The following AMDHD1 variants were observed in gnomAD, a reference collection of about 807,000 sequenced individuals.
The protein encoded by AMDHD1 is amidohydrolase domain containing 1, also known as probable imidazolonepropionase.
A neutral mutation model predicts 44.1 loss-of-function variants in AMDHD1; 45 were observed. The ratio of observed to expected loss-of-function variants is 1.02; its 90% CI spans 0.80 to 1.31. The LOEUF is 1.31. Ranked by LOEUF, AMDHD1 falls within the 50% of genes most tolerant of loss-of-function variation. The pLI, the probability that AMDHD1 is intolerant of heterozygous loss-of-function variation, is 0.00. For missense variants in AMDHD1, 586 were observed against 552.1 expected (o/e 1.06, Z -0.61); for synonymous variants, 206 against 205.0 (o/e 1.00, Z -0.04).
intron 1 of AMDHD1, among the ~76,000 whole-genome samples, chr12:95,948,305 G>GT: frequency 9.8e-6 from 1 of 101,538 alleles, no homozygotes; most frequent in African/African-American, 4.1e-5. Context: ...CGTCCGGGAG[G>GT]GAGGTGGGGG....
rs527424065 is a variant in AMDHD1 at position 95,956,818 on chromosome 12, C to G, written c.443C>G (p.Ala148Gly). 7 of 1,614,236 alleles carry G rather than the reference C, an allele frequency of 4.3e-6. 1 individual carries two copies. The South Asian group carries it at 7.7e-5, about 18-fold the overall frequency. ...LQQRLQCMMR[A>G]GTTLVECKSG... ...CAACGGCTCCAGTGCATGATGAGGG[C>G]TGGCACCACGCTGGTGGAGTGCAAG... The change falls in exon 4 of 9, where the codon GCT becomes GGT. Residue 148 changes from alanine to glycine, a missense_variant. By Grantham distance (60) the Ala-to-Gly change is moderately conservative. Transcript: ENST00000266736.
intron 1 of AMDHD1, among the ~76,000 whole-genome samples, chr12:95,949,140 T>TAAAAAAAAAAAAAAAAAAAAA (rs1170844527): frequency 4.3e-3 from 19 of 4,444 alleles, no homozygotes; most frequent in South Asian, 0.022. Context: ...AAAAATAAAT[T>TAAAAAAAAAAAAAAAAAAAAA]AAAAAAAAAA....
chr12:95,962,197 C>T (rs971745478), intron 5 of AMDHD1, among the ~76,000 whole-genome samples, 158 bp from the exon 6 acceptor site: 10 of 152,148 alleles, frequency 6.6e-5, no homozygotes, highest in South Asian at 2.1e-4. Flanking sequence ...ACCCAGGAGG[C>T]GGAGGTTGCA....
chr12:95,960,286 C>A, intron 4 of AMDHD1, 112 bp from the exon 5 acceptor site: 1 of 866,608 alleles, frequency 1.2e-6, no homozygotes, highest in Non-Finnish European at 1.8e-6. Flanking sequence ...CTTTCTGAGG[C>A]TTGAAGTCAT....
chr12:95,953,474 C>T (rs2080534003), intron 2 of AMDHD1, among the ~76,000 whole-genome samples: 1 of 152,070 alleles, frequency 6.6e-6, no homozygotes, highest in African/African-American at 2.4e-5. Context: ...CACAAACTTT[C>T]AGTTCTACAC....
intron 5 of AMDHD1, 72 bp downstream of exon 5, chr12:95,960,695 A>G: frequency 6.9e-7 from 1 of 1,441,820 alleles, no homozygotes; most frequent in Non-Finnish European, 9.6e-7. Context: ...AAACTTAATT[A>G]GTTTCTTCAA....
intron 4 of AMDHD1, among the ~76,000 whole-genome samples, chr12:95,958,703 C>G: frequency 6.6e-6 from 1 of 152,154 alleles, no homozygotes; most frequent in Non-Finnish European, 1.5e-5. Flanking sequence ...ATGAATTACT[C>G]ATCTGTGAAA....
chr12:95,943,610 G>C, intron 1 of AMDHD1, 75 bp downstream of exon 1: 1 of 1,370,300 alleles, frequency 7.3e-7, no homozygotes, highest in Non-Finnish European at 9.4e-7. Context: ...GTGCACTCTG[G>C]AGGGAAACAA....
rs2080551529 is a variant in AMDHD1, at chr12:95,956,677, G to A, written c.310-8G>A. 1.2e-6 allele frequency: 2 copies of A among 1,613,096 alleles called. No individual in the cohort carries two copies. Among genetic ancestry groups the A allele is most frequent in the East Asian group, 2.2e-5 (1 of 44,860 alleles). The stretch of plus-strand genomic sequence containing the variant: ...ATGTGCTGGCCTAAAGGTGAGGCGT[G>A]TGTTCAGTTGGCAGGAGCCACCTAC... On this transcript the variant is annotated splice_polypyrimidine_tract_variant and splice_region_variant and intron_variant, in intron 3 of 8. Coordinates refer to ENST00000266736, the MANE Select transcript of AMDHD1 (RefSeq NM_152435.3).
At chr12:95,952,663 G>C in intron 1 of AMDHD1, 54 bp from the exon 2 acceptor site, 1 of 1,162,252 alleles carries the variant, frequency 8.6e-7, no homozygotes, top group Middle Eastern at 2.3e-4. Flanking sequence ...TCACTCATCA[G>C]ATTTCTCACA....
At chr12:95,948,017 G>A (rs2080506982) in intron 1 of AMDHD1, among the ~76,000 whole-genome samples, 2 of 117,458 alleles carry the variant, frequency 1.7e-5, no homozygotes, top group African/African-American at 3.4e-5. Flanking sequence ...CCGGCCAGCC[G>A]CCCTGTCCGG....
chr12:95,948,652 G>C (rs1392071343), intron 1 of AMDHD1, among the ~76,000 whole-genome samples: 2 of 77,956 alleles, frequency 2.6e-5, no homozygotes, highest in African/African-American at 6.0e-5. Context: ...CATTGAGAAC[G>C]GGCCAGGATG....
rs966614204 is a variant in AMDHD1, at chr12:95,967,991, G to A, written c.*148G>A. The A allele has an allele frequency of 9.0e-6, 5 of 558,524 alleles. No homozygotes were observed. Among genetic ancestry groups the A allele is most frequent in the African/African-American group, 7.9e-5 (4 of 50,538 alleles). The allele number at this position is 558,524 out of a possible 1,614,324, so 34.6% of individuals were successfully genotyped here. ...TTTTTAAGTCACTCAAAAAACCCAA[G>A]GGATAGATTTATTTTCATTTAACAC... On this transcript the variant is annotated 3_prime_UTR_variant, in exon 9 of 9. Transcript: ENST00000266736.
chr12:95,960,493 A>G lies in AMDHD1; in HGVS notation c.683A>G (p.Asn228Ser). The G allele has an allele frequency of 6.2e-7, 1 of 1,614,262 alleles. No individual in the cohort carries two copies. Among genetic ancestry groups the G allele is most frequent in the Non-Finnish European group, 8.5e-7 (1 of 1,180,044 alleles). ...LGRNGEIHVD[N>S]IDVFCEKGVF... is the part of the protein sequence containing the mutation. ...AGAAATGGGGAAATACACGTGGACA[A>G]TATAGACGTATTTTGTGAGAAAGGT... The change falls in exon 5 of 9, where the codon AAT becomes AGT. Residue 228 changes from asparagine (N) to serine (S), a missense_variant. Asn to Ser is a conservative substitution (Grantham distance 46). Transcript: ENST00000266736.
At chr12:95,965,906 A>G in intron 7 of AMDHD1, 127 bp downstream of exon 7, 1 of 656,938 alleles carries the variant, frequency 1.5e-6, no homozygotes. Context: ...GAAACAAGAA[A>G]AAAAGGGGTA....
chr12:95,958,013 A>G (rs1235509598), intron 4 of AMDHD1, among the ~76,000 whole-genome samples: 4 of 152,320 alleles, frequency 2.6e-5, no homozygotes, highest in African/African-American at 9.6e-5. Flanking sequence ...AGATTGTGCC[A>G]CTGTACTCCA....
At chr12:95,946,064 T>C (rs1273251098) in intron 1 of AMDHD1, among the ~76,000 whole-genome samples, 1 of 120,516 alleles carries the variant, frequency 8.3e-6, no homozygotes, top group Non-Finnish European at 1.8e-5. Flanking sequence ...TTTCTCTCTG[T>C]GTGTGTGTGT....
intron 1 of AMDHD1, among the ~76,000 whole-genome samples, chr12:95,951,157 G>T (rs1332044012): frequency 6.6e-6 from 1 of 152,090 alleles, no homozygotes; most frequent in Non-Finnish European, 1.5e-5. Flanking sequence ...ACCCTGTTGT[G>T]ATATCAAATA....
At chr12:95,956,503 A>T in intron 3 of AMDHD1, 182 bp from the exon 4 acceptor site, 1 of 758,502 alleles carries the variant, frequency 1.3e-6, no homozygotes, top group Non-Finnish European at 2.1e-6. Flanking sequence ...CCCACAATCC[A>T]GTGTCTGGCA....
Sources: gnomAD v4.1 joint callset for allele counts (sites outside exome capture counted in the v4.1 genomes callset) on GRCh38, gnomAD v4.1.1 for gene constraint, MANE v1.5 for transcripts, NCBI Gene and HGNC (gene_info 2026-07-23, HGNC 2026-07-21) for gene names.